RAP1GAP2: variants seen among roughly 807,000 people sequenced by gnomAD.
The protein encoded by RAP1GAP2 is RAP1 GTPase activating protein 2, also known as rap1 GTPase-activating protein 2.
RAP1GAP2 carries 27 observed loss-of-function variants against 95.0 expected under a neutral mutation model. That is an observed-to-expected ratio of 0.28 (90% CI 0.21 to 0.39). RAP1GAP2 has a LOEUF of 0.39. Among genes scored for constraint, RAP1GAP2 ranks in the 10% least tolerant of loss-of-function variants. The pLI is 1.00. For synonymous variants in RAP1GAP2, 373 were observed against 380.9 expected (o/e 0.98, Z 0.24); for missense variants, 771 against 970.0 (o/e 0.79, Z 2.72).
rs2072206801 is a variant in RAP1GAP2 at position 2,857,788 on chromosome 17, GA to G, written c.81-47495del. Among the ~76,000 whole-genome samples the G allele has an allele frequency of 6.6e-6, 1 of 152,176 alleles. No homozygotes were observed. Among genetic ancestry groups the G allele is most frequent in the African/African-American group, 2.4e-5 (1 of 41,442 alleles). The stretch of plus-strand genomic sequence containing the variant: ...AGCTTTGCTGGGAAGGACGGAGGCC[GA>G]GGAACACGATCAAAATATGTACGTT... On this transcript the variant is annotated intron_variant, in intron 2 of 24. Transcript: ENST00000254695. This position sits in a 1 kb window ranked among gnomAD's most constrained non-coding sequence, Gnocchi z 4.0.
At chr17:2,948,487 G>T (rs1415740461) in intron 3 of RAP1GAP2, among the ~76,000 whole-genome samples, 1 of 152,056 alleles carries the variant, frequency 6.6e-6, no homozygotes, top group Admixed American at 6.5e-5. Flanking sequence ...TGCAGGAGAA[G>T]CTGTGCCTGT....
chr17:2,879,475 C>T lies in RAP1GAP2; in HGVS notation c.81-25809C>T, dbSNP rs1048915849. ...GGGCGTGGCAGCTCATGCCTGTCAT[C>T]GCAGCACTTTGAGAGGCCAAGGCGG... is the stretch of plus-strand genomic sequence containing the variant. On this transcript the variant is annotated intron_variant, in intron 2 of 24. Coordinates refer to ENST00000254695, the MANE Select transcript of RAP1GAP2 (RefSeq NM_015085.5). Among the ~76,000 whole-genome samples, 7 of 152,006 alleles carry T rather than the reference C, an allele frequency of 4.6e-5. No homozygotes were observed. The South Asian group carries it at 8.3e-4, about 18-fold the overall frequency.
chr17:3,006,495 C>G (rs910217799), intron 16 of RAP1GAP2, among the ~76,000 whole-genome samples: 3 of 145,408 alleles, frequency 2.1e-5, no homozygotes, highest in South Asian at 2.3e-4. Flanking sequence ...GTGCAGTGGC[C>G]CGATCTTGGC....
chr17:2,847,298 C>T (rs976114306), intron 2 of RAP1GAP2, among the ~76,000 whole-genome samples: 6 of 152,292 alleles, frequency 3.9e-5, no homozygotes, highest in Middle Eastern at 3.4e-3. Flanking sequence ...TGAGCCACCG[C>T]GCCCGGCATC....
chr17:3,004,739 G>A lies in RAP1GAP2; in HGVS notation c.1201-630G>A, dbSNP rs772630113. Reference sequence around the variant, plus strand: ...CAGGGCTCCCGAACACGGGTCCACCGGCTGCACGAGAGTTTCCGGGGGGCC... The same window carrying A: ...CAGGGCTCCCGAACACGGGTCCACCAGCTGCACGAGAGTTTCCGGGGGGCC... On this transcript the variant is annotated intron_variant, in intron 14 of 24. Coordinates refer to ENST00000254695, the MANE Select transcript of RAP1GAP2 (RefSeq NM_015085.5). This position sits in a 1 kb window ranked among gnomAD's most constrained non-coding sequence, Gnocchi z 4.1. Among the ~76,000 whole-genome samples, 4 of 152,256 alleles carry A rather than the reference G, an allele frequency of 2.6e-5. No individual in the cohort carries two copies. The highest frequency in any genetic ancestry group is 4.4e-5 in the Non-Finnish European group (3 of 68,048).
At chr17:2,804,636 G>A (rs1187380564) in intron 2 of RAP1GAP2, among the ~76,000 whole-genome samples, 1 of 152,256 alleles carries the variant, frequency 6.6e-6, no homozygotes, top group Non-Finnish European at 1.5e-5. Flanking sequence ...GTTTGCTGGG[G>A]CCCATCCCCT....
chr17:2,854,059 A>G (rs1420832011), intron 2 of RAP1GAP2: 1 of 985,296 alleles, frequency 1.0e-6, no homozygotes, highest in Non-Finnish European at 1.2e-6. Context: ...CGTGGTGCTC[A>G]TCGGACTCCT....
chr17:2,828,180 A>C (rs569176381), intron 2 of RAP1GAP2, among the ~76,000 whole-genome samples: 79 of 152,184 alleles, frequency 5.2e-4, no homozygotes, highest in African/African-American at 1.9e-3. Flanking sequence ...ATCTCTACTA[A>C]AAATACAAAA....
At chr17:2,840,635 C>A (rs1357197631) in intron 2 of RAP1GAP2, among the ~76,000 whole-genome samples, 1 of 152,140 alleles carries the variant, frequency 6.6e-6, no homozygotes, top group Non-Finnish European at 1.5e-5. Flanking sequence ...AGGCATGAGC[C>A]ATCATGCCTG....
intron 2 of RAP1GAP2, among the ~76,000 whole-genome samples, chr17:2,815,021 G>T (rs137894891): frequency 6.6e-6 from 1 of 152,210 alleles, no homozygotes; most frequent in East Asian, 1.9e-4. Context: ...CTGAACGTAG[G>T]CTGGACCCAT....
intron 12 of RAP1GAP2, among the ~76,000 whole-genome samples, chr17:2,994,466 A>C (rs994712963): frequency 3.3e-5 from 5 of 152,212 alleles, no homozygotes; most frequent in African/African-American, 1.2e-4. Context: ...CAGCCAGAGA[A>C]GGGACTTCCC....
At chr17:2,760,879 T>G (rs2151755600) in intron 1 of RAP1GAP2, among the ~76,000 whole-genome samples, 1 of 152,282 alleles carries the variant, frequency 6.6e-6, no homozygotes, top group East Asian at 1.9e-4. Context: ...CTGATGTTTT[T>G]CTCATGATTA....
rs9908815 is a variant in RAP1GAP2 at position 3,034,515 on chromosome 17, C to T, written c.*1154C>T. 0.015 allele frequency: 2,449 copies of T among 161,256 alleles called. 65 individuals are homozygous for T. The highest frequency in any genetic ancestry group is 0.055 in the African/African-American group (2,310 of 41,642). The allele number at this position is 161,256 out of a possible 1,614,324, so 10.0% of individuals were successfully genotyped here. A position where few individuals can be genotyped will look rare whatever the true frequency, so the allele number is the denominator to read the frequency against. On this transcript the variant is annotated 3_prime_UTR_variant, in exon 25 of 25. Coordinates refer to ENST00000254695, the MANE Select transcript of RAP1GAP2 (RefSeq NM_015085.5). This position sits in a 1 kb window ranked among gnomAD's most constrained non-coding sequence, Gnocchi z 5.1. ...TGGGGGGCCCAGCCTGGCCCTGGGG[C>T]CTTTTCCAGCTACTGTGCCCTTGGG... is the stretch of plus-strand genomic sequence containing the variant.
At chr17:2,764,122 G>T (rs886896344) in intron 1 of RAP1GAP2, among the ~76,000 whole-genome samples, 2 of 152,036 alleles carry the variant, frequency 1.3e-5, no homozygotes, top group African/African-American at 4.8e-5. Flanking sequence ...AAAAAAAAAG[G>T]TATTTACCTT....
At chr17:3,011,135 C>T (rs1405230479) in intron 17 of RAP1GAP2, among the ~76,000 whole-genome samples, 1 of 152,004 alleles carries the variant, frequency 6.6e-6, no homozygotes, top group East Asian at 1.9e-4. Flanking sequence ...ACCATGTTGG[C>T]CAGGCTGGTC....
At chr17:2,862,264 T>C (rs2072431904) in intron 2 of RAP1GAP2, among the ~76,000 whole-genome samples, 1 of 152,166 alleles carries the variant, frequency 6.6e-6, no homozygotes, top group Non-Finnish European at 1.5e-5. Context: ...CCTCCCTTCA[T>C]TTATGCCAAA....
intron 3 of RAP1GAP2, among the ~76,000 whole-genome samples, chr17:2,918,269 C>T (rs1381933306): frequency 2.0e-5 from 3 of 151,704 alleles, no homozygotes; most frequent in African/African-American, 7.3e-5. Context: ...CCTGTTTCTA[C>T]TAAAAATACA....
chr17:2,787,764 T>G (rs1451671081), intron 1 of RAP1GAP2, among the ~76,000 whole-genome samples: 2 of 152,058 alleles, frequency 1.3e-5, no homozygotes, highest in African/African-American at 4.8e-5. Flanking sequence ...AGATGGGGTT[T>G]CACCATGTTG....
chr17:2,990,038 G>A (rs908291397), intron 11 of RAP1GAP2, among the ~76,000 whole-genome samples: 4 of 152,150 alleles, frequency 2.6e-5, no homozygotes, highest in African/African-American at 7.2e-5. Flanking sequence ...AATATTTTCA[G>A]TGTTTATCCA....
Sources: gnomAD v4.1 joint callset for allele counts (sites outside exome capture counted in the v4.1 genomes callset) on GRCh38, gnomAD v4.1.1 for gene constraint, Gnocchi (gnomAD v3.1) non-coding constraint, MANE v1.5 for transcripts, NCBI Gene and HGNC (gene_info 2026-07-23, HGNC 2026-07-21) for gene names.